The following STAB2 variants were observed in gnomAD, a reference collection of about 807,000 sequenced individuals.
STAB2 encodes the protein stabilin 2.
A neutral mutation model predicts 338.1 loss-of-function variants in STAB2; 288 were observed. The observed-to-expected ratio is 0.85, with a 90% CI of 0.77 to 0.94. The LOEUF is 0.94. STAB2 is among the 40% of genes least tolerant of loss of function. The pLI, the probability that STAB2 is intolerant of heterozygous loss-of-function variation, is 0.00. For missense variants in STAB2, 3,141 were observed against 3,210.1 expected (o/e 0.98, Z 0.52); for synonymous variants, 1,202 against 1,193.3 (o/e 1.01, Z -0.15).
chr12:103,633,755 T>C (rs1297197113), intron 6 of STAB2, among the ~76,000 whole-genome samples: 1 of 152,226 alleles, frequency 6.6e-6, no homozygotes, highest in Non-Finnish European at 1.5e-5. Context: ...TACATACTTA[T>C]TAAAATTCAG....
At chr12:103,603,415 T>TTTG (rs1956983328) in intron 3 of STAB2, among the ~76,000 whole-genome samples, 7 of 152,218 alleles carry the variant, frequency 4.6e-5, no homozygotes, top group South Asian at 4.1e-4. Context: ...GGATCAAGAT[T>TTTG]CATTTCTTTG....
intron 3 of STAB2, among the ~76,000 whole-genome samples, chr12:103,613,574 G>T (rs1026493886): frequency 6.6e-6 from 1 of 152,118 alleles, no homozygotes; most frequent in African/African-American, 2.4e-5. Context: ...GATTTTCAAG[G>T]TTCCATCTGT....
At chr12:103,735,442 T>G in intron 51 of STAB2, 49 bp from the exon 52 acceptor site, 1 of 1,453,310 alleles carries the variant, frequency 6.9e-7, no homozygotes, top group South Asian at 1.3e-5. Context: ...GGGCCGTCCC[T>G]TCTTCGGCCC....
intron 34 of STAB2, among the ~76,000 whole-genome samples, chr12:103,701,801 A>C (rs554095557): frequency 1.3e-5 from 2 of 148,850 alleles, no homozygotes; most frequent in South Asian, 4.3e-4. Flanking sequence ...AGCTCATTTG[A>C]CTGCAAGTAA....
At chr12:103,709,326 A>G (rs1879639554) in intron 39 of STAB2, among the ~76,000 whole-genome samples, 1 of 152,240 alleles carries the variant, frequency 6.6e-6, no homozygotes, top group Admixed American at 6.5e-5. Flanking sequence ...TGATGAGAAA[A>G]GGCAGGAGCA....
At chr12:103,693,603 C>T (rs1344197753) in intron 31 of STAB2, among the ~76,000 whole-genome samples, 2 of 151,888 alleles carry the variant, frequency 1.3e-5, no homozygotes, top group African/African-American at 2.4e-5. Flanking sequence ...GTAGGGAAGG[C>T]CCTAAGGAAA....
In STAB2 at chr12:103,745,155, A is replaced by T; in HGVS notation, c.6032-18A>T. 1 of 1,607,764 alleles carries T rather than the reference A, an allele frequency of 6.2e-7. No homozygotes were observed. On this transcript the variant is annotated intron_variant, in intron 56 of 68. Transcript: ENST00000388887. ...GTCTCAACCCCTGATGACTGACCAT[A>T]TCCTAATTTGTTTACAGCCTGTGGC...
At chr12:103,696,590 C>A (rs547347514) in intron 33 of STAB2, among the ~76,000 whole-genome samples, 2 of 152,286 alleles carry the variant, frequency 1.3e-5, no homozygotes, top group South Asian at 2.1e-4. Context: ...ATGATTGAAG[C>A]TTTTGAATTA....
In STAB2 at chr12:103,745,205, G is replaced by T; in HGVS notation, c.6064G>T (p.Asp2022Tyr). ...CGCSDHGQCDDGITGSGQCLC... is the reference protein window; with the variant it reads ...CGCSDHGQCDYGITGSGQCLC... ...CTGCTCAGACCACGGACAGTGCGAT[G>T]ATGGCATCACGGGCTCCGGGCAGTG... Residue 2022 changes from aspartate (D) to tyrosine (Y), a missense_variant, in exon 57 of 69, where the codon GAT becomes TAT. By Grantham distance (160) the Asp-to-Tyr change is radical. Coordinates refer to ENST00000388887, the MANE Select transcript of STAB2 (RefSeq NM_017564.10). 6.2e-7 allele frequency: 1 copy of T among 1,614,090 alleles called. No individual in the cohort carries two copies. The highest frequency in any genetic ancestry group is 1.1e-5 in the South Asian group (1 of 91,076).
chr12:103,654,245 T>C lies in STAB2; in HGVS notation c.1408-310T>C, dbSNP rs77360073. Among the ~76,000 whole-genome samples the C allele has an allele frequency of 5.6e-4, 85 of 152,354 alleles. 1 individual carries two copies. The South Asian group carries it at 0.011, about 20-fold the overall frequency. ...GACACTAAAGTGAGTGATGAATTTA[T>C]AGTAAATTAAATAGTTTTGTCCTTA... On this transcript the variant is annotated intron_variant, in intron 12 of 68. Transcript: ENST00000388887.
chr12:103,623,923 C>T (rs1410914814), intron 5 of STAB2, among the ~76,000 whole-genome samples: 7 of 152,170 alleles, frequency 4.6e-5, no homozygotes, highest in Admixed American at 3.3e-4. Flanking sequence ...CTCACAATCG[C>T]AGTCAGTAAG....
intron 48 of STAB2, among the ~76,000 whole-genome samples, 196 bp downstream of exon 48, chr12:103,729,191 C>T (rs749057776): frequency 1.3e-5 from 2 of 152,082 alleles, no homozygotes; most frequent in Non-Finnish European, 2.9e-5. Flanking sequence ...CACACTGGGG[C>T]CTAGTGGAGG....
In STAB2 at chr12:103,699,986, G is replaced by T. The variant is rs377668511; in HGVS notation, c.3714+759G>T. ...GGGCTCCAGGGCATAAGAGCCCCAT[G>T]ACATACACAGGAGCCAGCAGCCAAG... On this transcript the variant is annotated intron_variant, in intron 34 of 68. Transcript: ENST00000388887. 5.3e-5 allele frequency among the ~76,000 whole-genome samples: 8 copies of T among 152,306 alleles called. No individual in the cohort carries two copies. The East Asian group carries it at 1.5e-3, about 29-fold the overall frequency.
chr12:103,635,282 G>A (rs1337705052), intron 6 of STAB2, among the ~76,000 whole-genome samples: 1 of 152,282 alleles, frequency 6.6e-6, no homozygotes, highest in Non-Finnish European at 1.5e-5. Flanking sequence ...TAATGGAGCT[G>A]GGCTTTATAA....
rs756798654 is a variant in STAB2 at position 103,750,733 on chromosome 12, A to C, written c.6580+13A>C. ...CTCCACTTCCAGGGTTAGTGTGACCAGGGCCTATGGCCCAAAGCACCCTCC... is the reference window on the plus strand; with the variant it reads ...CTCCACTTCCAGGGTTAGTGTGACCCGGGCCTATGGCCCAAAGCACCCTCC... On this transcript the variant is annotated intron_variant, in intron 60 of 68. Coordinates refer to ENST00000388887, the MANE Select transcript of STAB2 (RefSeq NM_017564.10). 6.2e-7 allele frequency: 1 copy of C among 1,608,218 alleles called. No individual in the cohort carries two copies. Among genetic ancestry groups the C allele is most frequent in the Non-Finnish European group, 8.5e-7 (1 of 1,175,526 alleles).
At chr12:103,724,389 G>A (rs150162405) in intron 44 of STAB2, among the ~76,000 whole-genome samples, 2 of 152,334 alleles carry the variant, frequency 1.3e-5, no homozygotes, top group Non-Finnish European at 2.9e-5. Context: ...AGAAAGCACG[G>A]GGAAGGGTTT....
At chr12:103,738,141 T>C (rs1456795258) in intron 53 of STAB2, among the ~76,000 whole-genome samples, 1 of 152,222 alleles carries the variant, frequency 6.6e-6, no homozygotes, top group Non-Finnish European at 1.5e-5. Flanking sequence ...GTTGAATGTC[T>C]GACAGATTAC....
intron 39 of STAB2, 28 bp downstream of exon 39, chr12:103,708,564 A>G: frequency 6.2e-7 from 1 of 1,605,346 alleles, no homozygotes; most frequent in Non-Finnish European, 8.5e-7. Flanking sequence ...AGTATTTATA[A>G]TCTGCTCTAA....
At chr12:103,703,590 G>A (rs920992499) in intron 35 of STAB2, among the ~76,000 whole-genome samples, 2 of 152,118 alleles carry the variant, frequency 1.3e-5, no homozygotes, top group Admixed American at 6.5e-5. Context: ...TTGGACCATG[G>A]CTTTCTTCAA....
Sources: allele counts gnomAD v4.1 joint callset (sites outside exome capture counted in the v4.1 genomes callset), GRCh38; gene constraint gnomAD v4.1.1; transcripts MANE v1.5; gene names NCBI Gene and HGNC (gene_info 2026-07-23, HGNC 2026-07-21).